EYA2: variants seen among roughly 807,000 people sequenced by gnomAD.
The protein encoded by EYA2 is protein phosphatase EYA2.
EYA2 carries 31 observed loss-of-function variants against 69.2 expected under a neutral mutation model. The ratio of observed to expected loss-of-function variants is 0.45; its 90% CI spans 0.34 to 0.60. The LOEUF (loss-of-function observed/expected upper bound fraction) is 0.60, where lower values mean the gene tolerates loss of function less well. EYA2 is among the 20% of genes least tolerant of loss of function. EYA2 has a pLI of 0.02. For missense variants in EYA2, 622 were observed against 701.2 expected, an observed-to-expected ratio of 0.89 and a Z score of 1.28; for synonymous variants, 257 against 279.4, an observed-to-expected ratio of 0.92 and a Z score of 0.80.
At chr20:47,110,072 C>T (rs947841622) in intron 9 of EYA2, among the ~76,000 whole-genome samples, 1 of 152,136 alleles carries the variant, frequency 6.6e-6, no homozygotes, top group Non-Finnish European at 1.5e-5. Flanking sequence ...CTGCTCTGAG[C>T]TTTACACCCT....
intron 9 of EYA2, among the ~76,000 whole-genome samples, chr20:47,126,102 G>C (rs538575140): frequency 3.3e-5 from 5 of 152,344 alleles, no homozygotes; most frequent in Non-Finnish European, 5.9e-5. Context: ...TGCAAGCCCA[G>C]ACAAGGCCCC....
At chr20:47,039,482 C>T (rs552857787) in intron 5 of EYA2, among the ~76,000 whole-genome samples, 9 of 152,294 alleles carry the variant, frequency 5.9e-5, no homozygotes, top group Non-Finnish European at 1.0e-4. Flanking sequence ...AAAATATTTA[C>T]CGTCTGTCCC....
At chr20:46,966,438 G>GA (rs1979786387) in intron 1 of EYA2, among the ~76,000 whole-genome samples, 1 of 152,142 alleles carries the variant, frequency 6.6e-6, no homozygotes, top group African/African-American at 2.4e-5. Flanking sequence ...CACTGTCCGA[G>GA]AAAAATATAA....
intron 13 of EYA2, 78 bp from the exon 14 acceptor site, chr20:47,180,737 C>T: frequency 6.4e-7 from 1 of 1,556,682 alleles, no homozygotes; most frequent in African/African-American, 1.4e-5. Flanking sequence ...TTCCCGCCAA[C>T]TGCAGGCTCA....
intron 9 of EYA2, among the ~76,000 whole-genome samples, chr20:47,098,997 G>A (rs923774505): frequency 1.4e-4 from 21 of 152,232 alleles, no homozygotes; most frequent in Admixed American, 2.6e-4. Flanking sequence ...GACAAAGAGT[G>A]AGTGCGAGTA....
At chr20:47,167,954 C>T (rs1408040470) in intron 10 of EYA2, among the ~76,000 whole-genome samples, 1 of 152,114 alleles carries the variant, frequency 6.6e-6, no homozygotes, top group Non-Finnish European at 1.5e-5. Context: ...CTCATGGCAT[C>T]CCCCTCTCCA....
chr20:46,966,513 T>TA (rs1336398052), intron 1 of EYA2, among the ~76,000 whole-genome samples: 8 of 151,976 alleles, frequency 5.3e-5, no homozygotes, highest in Non-Finnish European at 1.5e-5. Context: ...TTAAAAAAAA[T>TA]ATGTAAAACA....
intron 9 of EYA2, among the ~76,000 whole-genome samples, chr20:47,138,358 G>C (rs1458289839): frequency 6.6e-6 from 1 of 152,084 alleles, no homozygotes; most frequent in Non-Finnish European, 1.5e-5. Flanking sequence ...AAGAGTAGGT[G>C]GGTATTCTAA....
chr20:46,978,704 G>A lies in EYA2; in HGVS notation c.-10-11297G>A, dbSNP rs567131998. 111 of 533,952 alleles carry A rather than the reference G, an allele frequency of 2.1e-4. 2 individuals are homozygous for A. Among genetic ancestry groups the A allele is most frequent in the Non-Finnish European group, 3.9e-4 (101 of 259,972 alleles). The allele number at this position is 533,952 out of a possible 1,614,324, so 33.1% of individuals were successfully genotyped here. The stretch of plus-strand genomic sequence containing the variant: ...AGAGAACAAACTGGAGGGAGGCCCC[G>A]GTGGCCCCAGGGAGGTGGGCAGGGG... On this transcript the variant is annotated intron_variant, in intron 1 of 15. Coordinates refer to ENST00000327619, the MANE Select transcript of EYA2 (RefSeq NM_005244.5).
chr20:47,181,256 G>A (rs1440769898), intron 14 of EYA2, among the ~76,000 whole-genome samples: 1 of 152,204 alleles, frequency 6.6e-6, no homozygotes, highest in Non-Finnish European at 1.5e-5. Flanking sequence ...ACAGACAGAG[G>A]TGAGTGATCC....
chr20:46,912,647 A>G (rs962066582), intron 1 of EYA2, among the ~76,000 whole-genome samples: 1 of 151,742 alleles, frequency 6.6e-6, no homozygotes, highest in East Asian at 1.9e-4. Context: ...AGGGAGGTTG[A>G]TGGGAAACAT....
intron 1 of EYA2, among the ~76,000 whole-genome samples, chr20:46,920,933 A>G (rs1165738668): frequency 6.6e-6 from 1 of 152,212 alleles, no homozygotes; most frequent in African/African-American, 2.4e-5. Flanking sequence ...AGCACAATGC[A>G]GCTTTCCTTT....
At chr20:47,069,906 C>T (rs1568758431) in intron 5 of EYA2, among the ~76,000 whole-genome samples, 1 of 152,042 alleles carries the variant, frequency 6.6e-6, no homozygotes, top group Non-Finnish European at 1.5e-5. Context: ...CCTTAATCCA[C>T]ACTGTATACA....
chr20:47,111,642 A>G (rs952185020), intron 9 of EYA2, among the ~76,000 whole-genome samples: 1 of 152,228 alleles, frequency 6.6e-6, no homozygotes, highest in African/African-American at 2.4e-5. Context: ...AAAAGTGGGC[A>G]GCACTGTACC....
chr20:47,064,116 C>T (rs188351090), intron 5 of EYA2, among the ~76,000 whole-genome samples: 38 of 152,234 alleles, frequency 2.5e-4, no homozygotes, highest in African/African-American at 8.2e-4. Context: ...TCACCATGCC[C>T]GGTTAATTTT....
rs569499872 is a variant in EYA2 at position 47,000,669 on chromosome 20, CTCTGTCACCTTT to C, written c.110-756_110-745del. 4.6e-5 allele frequency among the ~76,000 whole-genome samples: 7 copies of C among 152,204 alleles called. No individual in the cohort carries two copies. The East Asian group carries it at 9.6e-4, about 21-fold the overall frequency. ...CGGGCAAACGTCTCTCCCAGCTTAACTCTGTCACCTTTTCGTCACCCCCTGCATATCGCCTCC... is the reference window on the plus strand; with the variant it reads ...CGGGCAAACGTCTCTCCCAGCTTAACTCGTCACCCCCTGCATATCGCCTCC... On this transcript the variant is annotated intron_variant, in intron 2 of 15. Coordinates refer to ENST00000327619, the MANE Select transcript of EYA2 (RefSeq NM_005244.5).
chr20:46,942,851 C>A (rs537536584), intron 1 of EYA2, among the ~76,000 whole-genome samples: 13 of 152,206 alleles, frequency 8.5e-5, no homozygotes, highest in African/African-American at 2.9e-4. Context: ...CTACAACCTC[C>A]TCCTCCCCGG....
rs532440232 is a variant in EYA2 at position 46,894,933 on chromosome 20, C to T, written c.-65C>T. On this transcript the variant is annotated 5_prime_UTR_variant, in exon 1 of 16. Transcript: ENST00000327619. ...AGTCAGCCCGGCCTCGTCGGACCCG[C>T]ACCGGCCCGCCCGCCCGCCCGCACC... is the stretch of plus-strand genomic sequence containing the variant. 2 of 151,698 alleles carry T rather than the reference C, an allele frequency of 1.3e-5. No individual in the cohort carries two copies. The highest frequency in any genetic ancestry group is 3.9e-4 in the East Asian group (2 of 5,168). The allele number at this position is 151,698 out of a possible 1,614,324, so 9.4% of individuals were successfully genotyped here.
intron 9 of EYA2, among the ~76,000 whole-genome samples, chr20:47,103,895 T>G (rs1236274714): frequency 6.6e-6 from 1 of 152,260 alleles, no homozygotes; most frequent in Non-Finnish European, 1.5e-5. Flanking sequence ...AATGCTGCTA[T>G]GAACATTGGC....
Sources: allele counts gnomAD v4.1 joint callset (sites outside exome capture counted in the v4.1 genomes callset), GRCh38; gene constraint gnomAD v4.1.1; transcripts MANE v1.5; gene names NCBI Gene and HGNC (gene_info 2026-07-23, HGNC 2026-07-21).